The following CFAP97D2 variants were observed in gnomAD, a reference collection of about 807,000 sequenced individuals.
CFAP97D2 encodes CFAP97 domain containing 2.
Position 114,222,331 on chromosome 13 carries a change from A to AG in CFAP97D2, c.481-163dup, listed in dbSNP as rs2081025508. Among the ~76,000 whole-genome samples the AG allele has an allele frequency of 6.6e-6, 1 of 152,344 alleles. No individual in the cohort carries two copies. The highest frequency in any genetic ancestry group is 1.9e-4 in the East Asian group (1 of 5,192). On this transcript the variant is annotated intron_variant, in intron 4 of 4. Transcript: ENST00000646158. The surrounding 1 kb of genome is among the most constrained non-coding windows in gnomAD (Gnocchi z 4.4). ...AAACACACTAAAATATACACTATAA[A>AG]GGGGTATAGAATTGTATCTAAATAA...
chr13:114,180,343 G>T (rs979293346), intron 1 of CFAP97D2, among the ~76,000 whole-genome samples: 2 of 152,166 alleles, frequency 1.3e-5, no homozygotes, highest in South Asian at 2.1e-4. Context: ...GGCCTGGGCT[G>T]CAGGTCACAC....
intron 4 of CFAP97D2, among the ~76,000 whole-genome samples, chr13:114,216,445 C>T (rs1009557012): frequency 6.6e-6 from 1 of 152,102 alleles, no homozygotes; most frequent in African/African-American, 2.4e-5. Context: ...CCCCACTCCC[C>T]CCACCCCACG....
At position 114,211,809 on chromosome 13, in the gene CFAP97D2, C is replaced by T; in HGVS notation, c.291-103C>T. ...TTCAGTGGGAAGCAGGAGCAACCCT[C>T]CACCCCGGGACCCCTTCCTGCTCTG... is the stretch of plus-strand genomic sequence containing the variant. On this transcript the variant is annotated intron_variant, in intron 3 of 4. Transcript: ENST00000646158. This position sits in a 1 kb window ranked among gnomAD's most constrained non-coding sequence, Gnocchi z 4.2. 5.0e-6 allele frequency: 2 copies of T among 397,736 alleles called. No homozygotes were observed. The highest frequency in any genetic ancestry group is 8.8e-6 in the Non-Finnish European group (2 of 226,020). 24.6% of individuals were successfully genotyped at this position (397,736 alleles called of 1,614,324 possible). A position where few individuals can be genotyped will look rare whatever the true frequency, so the allele number is the denominator to read the frequency against.
At chr13:114,219,272 C>A (rs7326383) in intron 4 of CFAP97D2, among the ~76,000 whole-genome samples, 2 of 152,116 alleles carry the variant, frequency 1.3e-5, no homozygotes, top group African/African-American at 4.8e-5. Flanking sequence ...GTCCCAGAGG[C>A]TTTCCCCGCT....
rs2080853171 is a variant in CFAP97D2, at chr13:114,186,307, A to G, written c.90+6887A>G. ...CTACCCTCTCTACTGAGAGCTGAAC[A>G]CTTGTCAGGATACCGTGGCTATGGA... On this transcript the variant is annotated intron_variant, in intron 1 of 4. Transcript: ENST00000646158. This position sits in a 1 kb window ranked among gnomAD's most constrained non-coding sequence, Gnocchi z 4.3. Among the ~76,000 whole-genome samples, 1 of 152,118 alleles carries G rather than the reference A, an allele frequency of 6.6e-6. No individual in the cohort carries two copies. Among genetic ancestry groups the G allele is most frequent in the African/African-American group, 2.4e-5 (1 of 41,414 alleles).
chr13:114,193,997 A>C (rs2080877646), intron 1 of CFAP97D2, among the ~76,000 whole-genome samples: 1 of 152,194 alleles, frequency 6.6e-6, no homozygotes, highest in Non-Finnish European at 1.5e-5. Context: ...AATGTCTTTT[A>C]AAAAAACAAA....
rs1219566756 is a variant in CFAP97D2 at position 114,189,295 on chromosome 13, T to C, written c.91-7101T>C. ...CTGCCAAAATTCACACAAAATGAAA[T>C]AGGCAATCTGAATAGACCCATATCT... On this transcript the variant is annotated intron_variant, in intron 1 of 4. Coordinates refer to ENST00000646158, the Ensembl canonical transcript of CFAP97D2. This position sits in a 1 kb window ranked among gnomAD's most constrained non-coding sequence, Gnocchi z 4.5. Among the ~76,000 whole-genome samples, 1 of 152,072 alleles carries C rather than the reference T, an allele frequency of 6.6e-6. No individual in the cohort carries two copies. The highest frequency in any genetic ancestry group is 1.5e-5 in the Non-Finnish European group (1 of 68,008).
At chr13:114,202,581 C>A (rs1332744503) in intron 3 of CFAP97D2, among the ~76,000 whole-genome samples, 1 of 152,256 alleles carries the variant, frequency 6.6e-6, no homozygotes, top group Non-Finnish European at 1.5e-5. Flanking sequence ...ACACCAGAAG[C>A]TGCAGCCAAG....
In CFAP97D2 at chr13:114,182,334, C is replaced by T. The variant is rs972581797; in HGVS notation, c.90+2914C>T. ...ACATGTCTCGCCTCCCGCCATAGGG[C>T]TGTTTTTCTCCTATCTCAGAATTGA... On this transcript the variant is annotated intron_variant, in intron 1 of 4. Coordinates refer to ENST00000646158, the Ensembl canonical transcript of CFAP97D2. Among the ~76,000 whole-genome samples, 25 of 152,062 alleles carry T rather than the reference C, an allele frequency of 1.6e-4. 1 individual carries two copies. Among genetic ancestry groups the T allele is most frequent in the South Asian group, 1.3e-3 (6 of 4,792 alleles).
At chr13:114,180,606 A>G (rs1198094921) in intron 1 of CFAP97D2, among the ~76,000 whole-genome samples, 1 of 151,986 alleles carries the variant, frequency 6.6e-6, no homozygotes, top group Non-Finnish European at 1.5e-5. Flanking sequence ...TGTTTTCCCC[A>G]CTCAGTGCTG....
At chr13:114,201,967 C>T (rs118016224) in intron 3 of CFAP97D2, among the ~76,000 whole-genome samples, 2,210 of 152,308 alleles carry the variant, frequency 0.015, 24 homozygotes, top group Non-Finnish European at 0.022. Flanking sequence ...ACACCAGCAC[C>T]CCAGTCAAGA....
At chr13:114,208,909 G>A (rs775292462) in intron 3 of CFAP97D2, among the ~76,000 whole-genome samples, 42 of 152,098 alleles carry the variant, frequency 2.8e-4, no homozygotes, top group South Asian at 2.1e-4. Flanking sequence ...TCTCCCTGCC[G>A]CCTCCAATAT....
intron 2 of CFAP97D2, among the ~76,000 whole-genome samples, chr13:114,197,872 A>G (rs1332319088): frequency 6.8e-6 from 1 of 148,106 alleles, no homozygotes; most frequent in Non-Finnish European, 1.5e-5. Flanking sequence ...TTTAGTAGTG[A>G]TGGGGTTTCA....
At chr13:114,209,078 A>G (rs2080954680) in intron 3 of CFAP97D2, among the ~76,000 whole-genome samples, 1 of 152,220 alleles carries the variant, frequency 6.6e-6, no homozygotes, top group African/African-American at 2.4e-5. Flanking sequence ...CCAGCTACCG[A>G]TTACTCATGA....
rs1303541529 is a variant in CFAP97D2 at position 114,199,970 on chromosome 13, C to G, written c.172-355C>G. Among the ~76,000 whole-genome samples, 2 of 90,384 alleles carry G rather than the reference C, an allele frequency of 2.2e-5. 1 individual carries two copies. Among genetic ancestry groups the G allele is most frequent in the East Asian group, 7.7e-4 (2 of 2,610 alleles). 59.3% of individuals were successfully genotyped at this position (90,384 alleles called of 152,430 possible). ...CGGTCCCCGATGAGGCGTGACGGCGCGTCCCCGTGCTTACGGTCCCCGATG... is the reference window on the plus strand; with the variant it reads ...CGGTCCCCGATGAGGCGTGACGGCGGGTCCCCGTGCTTACGGTCCCCGATG... On this transcript the variant is annotated intron_variant, in intron 2 of 4. Coordinates refer to ENST00000646158, the Ensembl canonical transcript of CFAP97D2.
intron 2 of CFAP97D2, among the ~76,000 whole-genome samples, chr13:114,198,453 TA>T (rs1345203566): frequency 6.6e-6 from 1 of 152,248 alleles, no homozygotes; most frequent in Admixed American, 6.5e-5. Context: ...TATAACTGAA[TA>T]AAATATCTCT....
intron 1 of CFAP97D2, among the ~76,000 whole-genome samples, chr13:114,182,461 T>C (rs9562133): frequency 2.7e-5 from 4 of 150,904 alleles, no homozygotes; most frequent in African/African-American, 4.9e-5. Flanking sequence ...CTTCCTCTTT[T>C]ACTAATCCAC....
chr13:114,209,219 C>T (rs549261529), intron 3 of CFAP97D2, among the ~76,000 whole-genome samples: 1 of 152,354 alleles, frequency 6.6e-6, no homozygotes, highest in South Asian at 2.1e-4. Context: ...GGCACCATCC[C>T]GCTGTCCGCA....
intron 4 of CFAP97D2, among the ~76,000 whole-genome samples, chr13:114,220,872 G>C (rs187381614): frequency 1.3e-5 from 2 of 152,218 alleles, no homozygotes; most frequent in Non-Finnish European, 2.9e-5. Flanking sequence ...CCCCATTCTC[G>C]CTTCTAAAGA....
Sources: allele counts gnomAD v4.1 joint callset (sites outside exome capture counted in the v4.1 genomes callset), GRCh38; gene constraint gnomAD v4.1.1; non-coding constraint Gnocchi (gnomAD v3.1); transcripts MANE v1.5; gene names NCBI Gene and HGNC (gene_info 2026-07-23, HGNC 2026-07-21).